Variants in USP10 observed in about 807,000 individuals in gnomAD.
USP10 encodes the protein ubiquitin carboxyl-terminal hydrolase 10.
USP10 carries 22 observed loss-of-function variants against 84.5 expected under a neutral mutation model. The ratio of observed to expected loss-of-function variants is 0.26; its 90% CI spans 0.19 to 0.37. The LOEUF is 0.37. Ranked by LOEUF, USP10 falls within the 10% of genes least tolerant of loss-of-function variation. The pLI is 1.00. For missense variants in USP10, 1,019 were observed against 998.9 expected (o/e 1.02, Z -0.27); for synonymous variants, 454 against 387.6 (o/e 1.17, Z -2.01).
rs537583328 is a variant in USP10 at position 84,744,664 on chromosome 16, C to T, written c.183C>T (p.Val61=). The T allele has an allele frequency of 7.9e-5, 127 of 1,612,052 alleles. No individual in the cohort carries two copies. The highest frequency in any genetic ancestry group is 7.9e-4 in the Admixed American group (47 of 59,754). The change falls in exon 4 of 14, where the codon GTC becomes GTT. Residue 61 remains valine, a synonymous_variant. Coordinates refer to ENST00000219473, the MANE Select transcript of USP10 (RefSeq NM_005153.3). ...GQEYQRIEFG[V]DEVIEPSDTL... ...AATATCAGAGAATTGAGTTTGGTGT[C>T]GATGAAGTCATTGAACCCAGTGACA...
At chr16:84,710,482 G>C (rs1469733270) in intron 1 of USP10, among the ~76,000 whole-genome samples, 3 of 152,116 alleles carry the variant, frequency 2.0e-5, no homozygotes, top group Non-Finnish European at 4.4e-5. Context: ...TTAATGTGAG[G>C]CAGGTAGCCC....
chr16:84,706,977 C>A (rs137886326), intron 1 of USP10, among the ~76,000 whole-genome samples: 1 of 152,148 alleles, frequency 6.6e-6, no homozygotes, highest in Non-Finnish European at 1.5e-5. Context: ...ACTCTATAAA[C>A]TGCATAGTTT....
rs140634055 is a variant in USP10 at position 84,726,424 on chromosome 16, G to C, written c.22-7011G>C. ...TGTTTTTCCTTTAGCAGGAACACTG[G>C]TTTTCCCACTTCGTCTAAACCTTTG... On this transcript the variant is annotated intron_variant, in intron 1 of 13. Transcript: ENST00000219473. Among the ~76,000 whole-genome samples the C allele has an allele frequency of 2.3e-3, 349 of 152,294 alleles. 2 individuals carry two copies. Among genetic ancestry groups the C allele is most frequent in the African/African-American group, 7.7e-3 (322 of 41,558 alleles).
chr16:84,775,101 C>T, intron 12 of USP10, 59 bp from the exon 13 acceptor site: 1 of 1,480,616 alleles, frequency 6.8e-7, no homozygotes, highest in Non-Finnish European at 9.4e-7. Flanking sequence ...CCATTTTCTG[C>T]TGCTGTTACC....
intron 1 of USP10, chr16:84,704,700 A>G: frequency 1.3e-6 from 2 of 1,484,802 alleles, no homozygotes; most frequent in Non-Finnish European, 1.8e-6. Context: ...TTCAGATCCT[A>G]GATTTTTTCT....
intron 9 of USP10, among the ~76,000 whole-genome samples, 189 bp downstream of exon 9, chr16:84,763,277 C>T (rs1451898602): frequency 6.6e-6 from 1 of 152,034 alleles, no homozygotes; most frequent in Non-Finnish European, 1.5e-5. Flanking sequence ...CGAACCTCTG[C>T]CATTTTCCTT....
chr16:84,746,448 G>A (rs370347352), intron 4 of USP10, among the ~76,000 whole-genome samples: 3 of 152,348 alleles, frequency 2.0e-5, no homozygotes, highest in African/African-American at 7.2e-5. Flanking sequence ...GGCTGGTGGT[G>A]CAGCCTATTA....
At chr16:84,765,476 C>CTT (rs11395693) in intron 10 of USP10, among the ~76,000 whole-genome samples, 260 of 144,026 alleles carry the variant, frequency 1.8e-3, no homozygotes, top group Admixed American at 3.8e-3. Flanking sequence ...GTAGTTTCGT[C>CTT]TTTTTTTTTT....
rs1274902894 is a variant in USP10, at chr16:84,730,869, C to T, written c.22-2566C>T. On this transcript the variant is annotated intron_variant, in intron 1 of 13. Coordinates refer to ENST00000219473, the MANE Select transcript of USP10 (RefSeq NM_005153.3). ...GAAAATACCTGATAATCCTGCAGAACATTCTGATTTCTTATCCTTAGGTAT... is the reference window on the plus strand; with the variant it reads ...GAAAATACCTGATAATCCTGCAGAATATTCTGATTTCTTATCCTTAGGTAT... Among the ~76,000 whole-genome samples the T allele has an allele frequency of 4.6e-5, 7 of 151,646 alleles. No individual in the cohort carries two copies. The South Asian group carries it at 1.5e-3, about 32-fold the overall frequency.
At position 84,775,311 on chromosome 16, in the gene USP10, A is replaced by G. The variant is rs1023625218; in HGVS notation, c.2209+86A>G. ...GGGCACAGGTTTGCTGCAACTTAGCATAGCGACCAGATGCTGTACTCAGGT... is the reference window on the plus strand; with the variant it reads ...GGGCACAGGTTTGCTGCAACTTAGCGTAGCGACCAGATGCTGTACTCAGGT... On this transcript the variant is annotated intron_variant, in intron 13 of 13. Coordinates refer to ENST00000219473, the MANE Select transcript of USP10 (RefSeq NM_005153.3). The G allele has an allele frequency of 5.9e-6, 8 of 1,356,224 alleles. No individual in the cohort carries two copies. The African/African-American group carries it at 1.1e-4, about 19-fold the overall frequency. The allele number at this position is 1,356,224 out of a possible 1,614,324, so 84.0% of individuals were successfully genotyped here. A position where few individuals can be genotyped will look rare whatever the true frequency, so the allele number is the denominator to read the frequency against.
chr16:84,764,883 G>T (rs1201061904), intron 10 of USP10, among the ~76,000 whole-genome samples: 1 of 144,410 alleles, frequency 6.9e-6, no homozygotes, highest in Non-Finnish European at 1.5e-5. Context: ...TTAGGGGTAG[G>T]CAAAGGTTTC....
intron 1 of USP10, among the ~76,000 whole-genome samples, chr16:84,726,259 G>A (rs916073848): frequency 2.0e-5 from 3 of 152,232 alleles, no homozygotes; most frequent in East Asian, 1.9e-4. Context: ...TCCTGAAGCC[G>A]AAAGTGGCGT....
chr16:84,710,537 C>T (rs1597272664), intron 1 of USP10, among the ~76,000 whole-genome samples: 1 of 152,202 alleles, frequency 6.6e-6, no homozygotes, highest in Admixed American at 6.5e-5. Context: ...TAGGGAAGGT[C>T]ATTTAGGGAC....
In USP10 at chr16:84,759,168, A is replaced by G. The variant is rs1238402390; in HGVS notation, c.1285-195A>G. The stretch of plus-strand genomic sequence containing the variant: ...GAATACAAACGACTGACTGCTTCGT[A>G]GATCCTTATATGGACATCACAGGAC... On this transcript the variant is annotated intron_variant, in intron 5 of 13. Transcript: ENST00000219473. 7 of 611,220 alleles carry G rather than the reference A, an allele frequency of 1.1e-5. No individual in the cohort carries two copies. The East Asian group carries it at 1.7e-4, about 14-fold the overall frequency. The allele number at this position is 611,220 out of a possible 1,614,324, so 37.9% of individuals were successfully genotyped here. A position where few individuals can be genotyped will look rare whatever the true frequency, so the allele number is the denominator to read the frequency against.
chr16:84,718,918 G>A (rs1263895103), intron 1 of USP10, among the ~76,000 whole-genome samples: 1 of 151,504 alleles, frequency 6.6e-6, no homozygotes, highest in African/African-American at 2.4e-5. Context: ...TTAGCCTCCC[G>A]AGTAGCTGAG....
At chr16:84,757,399 G>GT (rs1555546456) in intron 4 of USP10, among the ~76,000 whole-genome samples, 1,926 of 70,360 alleles carry the variant, frequency 0.027, 37 homozygotes, top group African/African-American at 0.08. Flanking sequence ...TGAGAGGGGT[G>GT]GGGGTGTGTG....
At chr16:84,752,769 G>A (rs1912084214) in intron 4 of USP10, among the ~76,000 whole-genome samples, 1 of 152,160 alleles carries the variant, frequency 6.6e-6, no homozygotes, top group African/African-American at 2.4e-5. Context: ...ACTTCATAAA[G>A]CGTTAGTGTC....
intron 7 of USP10, 23 bp from the exon 8 acceptor site, chr16:84,760,149 C>CTT (rs1913039459): frequency 6.3e-7 from 1 of 1,586,748 alleles, no homozygotes; most frequent in Non-Finnish European, 8.6e-7. Context: ...GTTAGGAAAA[C>CTT]CTGTGTCCTC....
At chr16:84,759,546 G>C in intron 6 of USP10, 74 bp downstream of exon 6, 1 of 1,375,926 alleles carries the variant, frequency 7.3e-7, no homozygotes, top group Non-Finnish European at 1.0e-6. Flanking sequence ...AAATAGTTTA[G>C]TAAAGCTCTT....
Sources: allele counts gnomAD v4.1 joint callset (sites outside exome capture counted in the v4.1 genomes callset), GRCh38; gene constraint gnomAD v4.1.1; transcripts MANE v1.5; gene names NCBI Gene and HGNC (gene_info 2026-07-23, HGNC 2026-07-21).